PRKN: variants seen among roughly 807,000 people sequenced by gnomAD.
The protein encoded by PRKN is parkin RBR E3 ubiquitin protein ligase.
PRKN carries 56 observed loss-of-function variants against 59.5 expected under a neutral mutation model. The observed-to-expected ratio is 0.94, with a 90% CI of 0.76 to 1.18. The LOEUF is 1.18. PRKN is among the 50% of genes most tolerant of loss of function. The pLI is 0.00. For missense variants in PRKN, 657 were observed against 596.4 expected, an observed-to-expected ratio of 1.10 and a Z score of -1.06; for synonymous variants, 250 against 222.1, an observed-to-expected ratio of 1.13 and a Z score of -1.12.
intron 1 of PRKN, chr6:162,568,917 G>A (rs1780199522): frequency 1.5e-6 from 1 of 675,376 alleles, no homozygotes; most frequent in East Asian, 2.7e-5. Context: ...CATGGATGAT[G>A]CTTACGTGAA....
chr6:162,370,319 T>A (rs1028536050), intron 2 of PRKN, among the ~76,000 whole-genome samples: 35 of 152,110 alleles, frequency 2.3e-4, no homozygotes, highest in African/African-American at 8.5e-4. Context: ...TCAGAGATTT[T>A]TTTTTAATAT....
At chr6:161,703,839 C>CTTTTTTTTTTT (rs71004062) in intron 7 of PRKN, among the ~76,000 whole-genome samples, 2 of 59,858 alleles carry the variant, frequency 3.3e-5, no homozygotes, top group Non-Finnish European at 3.2e-5. Flanking sequence ...CTCTCTCTCT[C>CTTTTTTTTTTT]TTTTTTTTTT....
At position 162,383,971 on chromosome 6, in the gene PRKN, C is replaced by T. The variant is rs1377649130; in HGVS notation, c.171+59339G>A. On this transcript the variant is annotated intron_variant, in intron 2 of 11. Transcript: ENST00000366898. ...TCTTGTGCATCTTCCTCACCTCTCT[C>T]AGCCTTCATGATATTAAAAAGAGTT... is the stretch of plus-strand genomic sequence containing the variant. Among the ~76,000 whole-genome samples the T allele has an allele frequency of 3.3e-5, 5 of 152,216 alleles. No homozygotes were observed. In the East Asian group the frequency reaches 9.6e-4, roughly 29 times the overall value.
rs1784393145 is a variant in PRKN at position 161,347,797 on chromosome 6, T to C, written c.*2302A>G. ...CACGCCCAGCTAATTTTTGTATTTT[T>C]AATAGAGACGGGGTTTCATCATCTT... On this transcript the variant is annotated 3_prime_UTR_variant, in exon 12 of 12. Coordinates refer to ENST00000366898, the MANE Select transcript of PRKN (RefSeq NM_004562.3). 6.6e-6 allele frequency: 1 copy of C among 152,144 alleles called. No homozygotes were observed. 9.4% of individuals were successfully genotyped at this position (152,144 alleles called of 1,614,324 possible).
intron 3 of PRKN, among the ~76,000 whole-genome samples, chr6:162,262,060 GA>G (rs1391013555): frequency 2.7e-4 from 41 of 152,188 alleles, no homozygotes; most frequent in African/African-American, 9.6e-4. Flanking sequence ...TTAGATTAGA[GA>G]ATAAAAGACT....
chr6:161,838,196 T>C (rs1279977229), intron 6 of PRKN, among the ~76,000 whole-genome samples: 1 of 152,214 alleles, frequency 6.6e-6, no homozygotes, highest in Admixed American at 6.5e-5. Context: ...CATGCTATGG[T>C]TTAAGTATTA....
chr6:161,733,808 A>ATATATATATC (rs1787847320), intron 7 of PRKN, among the ~76,000 whole-genome samples: 1 of 141,458 alleles, frequency 7.1e-6, no homozygotes, highest in Admixed American at 7.0e-5. Flanking sequence ...GTATATATAT[A>ATATATATATC]TATATATATA....
intron 1 of PRKN, among the ~76,000 whole-genome samples, chr6:162,725,893 T>C (rs1183813512): frequency 6.6e-6 from 1 of 152,190 alleles, no homozygotes; most frequent in Non-Finnish European, 1.5e-5. Flanking sequence ...AAAGCAGGCA[T>C]GGATTTAATC....
intron 1 of PRKN, among the ~76,000 whole-genome samples, chr6:162,487,782 A>G (rs1227825406): frequency 6.6e-6 from 1 of 152,146 alleles, no homozygotes; most frequent in East Asian, 1.9e-4. Context: ...ACTGTTTTAT[A>G]AAATAACGCC....
At chr6:162,661,074 C>A (rs187495485) in intron 1 of PRKN, among the ~76,000 whole-genome samples, 52 of 152,070 alleles carry the variant, frequency 3.4e-4, no homozygotes, top group African/African-American at 1.2e-3. Context: ...TAAGCCTGAC[C>A]AACATGGAGA....
rs1778024442 is a variant in PRKN, at chr6:161,503,144, A to C, written c.1083+45710T>G. On this transcript the variant is annotated intron_variant, in intron 9 of 11. Transcript: ENST00000366898. This position sits in a 1 kb window ranked among gnomAD's most constrained non-coding sequence, Gnocchi z 5.1. Reference sequence around the variant, plus strand: ...CAGCAGGTGTGTATTATAAAGGCAAACTGATCTCCCATGTAGAGGGAGGAG... The same window carrying C: ...CAGCAGGTGTGTATTATAAAGGCAACCTGATCTCCCATGTAGAGGGAGGAG... 6.6e-6 allele frequency among the ~76,000 whole-genome samples: 1 copy of C among 152,144 alleles called. No homozygotes were observed.
At chr6:162,228,713 A>G (rs1352884082) in intron 3 of PRKN, among the ~76,000 whole-genome samples, 1 of 152,200 alleles carries the variant, frequency 6.6e-6, no homozygotes, top group Non-Finnish European at 1.5e-5. Flanking sequence ...CGAAAACATG[A>G]AAATTGACTC....
intron 1 of PRKN, among the ~76,000 whole-genome samples, chr6:162,721,314 C>T (rs753853513): frequency 7.9e-5 from 12 of 152,240 alleles, no homozygotes; most frequent in Non-Finnish European, 1.6e-4. Context: ...CTTGCTGGCA[C>T]TAGTGTAACT....
At chr6:162,644,216 G>A (rs747453714) in intron 1 of PRKN, among the ~76,000 whole-genome samples, 3 of 152,038 alleles carry the variant, frequency 2.0e-5, no homozygotes, top group African/African-American at 4.8e-5. Context: ...TCCTCCTCCT[G>A]CCACCCAGAT....
At chr6:161,697,640 T>G (rs1786077764) in intron 7 of PRKN, among the ~76,000 whole-genome samples, 1 of 152,188 alleles carries the variant, frequency 6.6e-6, no homozygotes, top group Admixed American at 6.5e-5. Flanking sequence ...AATTAGAATG[T>G]CTCCCTGCCT....
At chr6:162,333,289 G>A (rs950706500) in intron 2 of PRKN, among the ~76,000 whole-genome samples, 1 of 150,806 alleles carries the variant, frequency 6.6e-6, no homozygotes, top group African/African-American at 2.4e-5. Flanking sequence ...GCACATGCAG[G>A]CACACCTCTT....
intron 1 of PRKN, among the ~76,000 whole-genome samples, chr6:162,660,931 G>A (rs1048257426): frequency 3.9e-5 from 6 of 152,104 alleles, no homozygotes; most frequent in East Asian, 1.9e-4. Context: ...ATGACACTAA[G>A]AATTCTGGGT....
rs1412674176 is a variant in PRKN at position 161,466,216 on chromosome 6, C to CT, written c.1084-79340dup. On this transcript the variant is annotated intron_variant, in intron 9 of 11. Coordinates refer to ENST00000366898, the MANE Select transcript of PRKN (RefSeq NM_004562.3). The surrounding 1 kb of genome is among the most constrained non-coding windows in gnomAD (Gnocchi z 5.0). ...ATTTGAACAGTTTATATTGACCGCTCTTCAAGATCATTGATACTTACCTCT... is the reference window on the plus strand; with the variant it reads ...ATTTGAACAGTTTATATTGACCGCTCTTTCAAGATCATTGATACTTACCTCT... Among the ~76,000 whole-genome samples the CT allele has an allele frequency of 1.3e-5, 2 of 152,186 alleles. No homozygotes were observed. The highest frequency in any genetic ancestry group is 2.9e-5 in the Non-Finnish European group (2 of 68,044).
At position 161,499,981 on chromosome 6, in the gene PRKN, C is replaced by A. The variant is rs538783765; in HGVS notation, c.1083+48873G>T. ...GAATGCTGCCCTCACTCTCCTCCTT[C>A]CCCACTTTTGTTCATGCAGTGTCTT... On this transcript the variant is annotated intron_variant, in intron 9 of 11. Transcript: ENST00000366898. The surrounding 1 kb of genome is among the most constrained non-coding windows in gnomAD (Gnocchi z 4.2). Among the ~76,000 whole-genome samples the A allele has an allele frequency of 2.2e-4, 33 of 152,304 alleles. No homozygotes were observed. Among genetic ancestry groups the A allele is most frequent in the Admixed American group, 3.9e-4 (6 of 15,296 alleles).
Sources: allele counts gnomAD v4.1 joint callset (sites outside exome capture counted in the v4.1 genomes callset), GRCh38; gene constraint gnomAD v4.1.1; non-coding constraint Gnocchi (gnomAD v3.1); transcripts MANE v1.5; gene names NCBI Gene and HGNC (gene_info 2026-07-23, HGNC 2026-07-21).